Variants in CHAF1A observed in about 807,000 individuals in gnomAD.
The protein encoded by CHAF1A is chromatin assembly factor 1 subunit A, also known as CAF-1 subunit A.
CHAF1A carries 5 observed loss-of-function variants against 93.2 expected under a neutral mutation model. That is an observed-to-expected ratio of 0.05 (90% CI 0.03 to 0.11). The LOEUF (loss-of-function observed/expected upper bound fraction) is 0.11, where lower values mean the gene tolerates loss of function less well. Among genes scored for constraint, CHAF1A ranks in the 10% least tolerant of loss-of-function variants. CHAF1A has a pLI of 1.00. For synonymous variants in CHAF1A, 504 were observed against 510.3 expected (o/e 0.99, Z 0.17); for missense variants, 1,102 against 1,259.9 (o/e 0.87, Z 1.90).
Position 4,423,398 on chromosome 19 carries a change from A to G in CHAF1A, c.1308+3A>G, listed in dbSNP as rs1204159309. The G allele has an allele frequency of 6.2e-7, 1 of 1,614,074 alleles. No homozygotes were observed. On this transcript the variant is annotated splice_donor_region_variant and intron_variant, in intron 6 of 14. Coordinates refer to ENST00000301280, the MANE Select transcript of CHAF1A (RefSeq NM_005483.3). The stretch of plus-strand genomic sequence containing the variant: ...AACGGTTAAGAGAAGAAGAGAAGGT[A>G]GAGTGTTTCCCACAGAGCTTCCCCG...
intron 2 of CHAF1A, 60 bp downstream of exon 2, chr19:4,406,022 G>C (rs891066419): frequency 3.0e-6 from 4 of 1,352,992 alleles, no homozygotes; most frequent in Non-Finnish European, 4.2e-6. Flanking sequence ...CTTGTCTCTT[G>C]TTGGAGACCT....
chr19:4,441,759 G>A (rs1272190232), intron 13 of CHAF1A, among the ~76,000 whole-genome samples: 3 of 152,002 alleles, frequency 2.0e-5, no homozygotes, highest in East Asian at 1.9e-4. Context: ...CAAACTGGGC[G>A]TGGTGTCAGG....
chr19:4,442,329 C>G lies in CHAF1A; in HGVS notation c.2758C>G (p.Pro920Ala), dbSNP rs1430043281. Reference protein sequence around the residue: ...EEGDCMIVDVPDAAEVQAPCG... With the variant: ...EEGDCMIVDVADAAEVQAPCG... ...GGGCGACTGTATGATCGTGGATGTC[C>G]CGGATGCTGCGGGTGAGAAGGGCTG... Residue 920 changes from proline (P) to alanine (A), a missense_variant, in exon 14 of 15, where the codon CCG becomes GCG. Pro to Ala is a conservative substitution (Grantham distance 27). Coordinates refer to ENST00000301280, the MANE Select transcript of CHAF1A (RefSeq NM_005483.3). 1 of 1,599,924 alleles carries G rather than the reference C, an allele frequency of 6.3e-7. No homozygotes were observed. Among genetic ancestry groups the G allele is most frequent in the Admixed American group, 1.7e-5 (1 of 57,172 alleles).
At position 4,423,851 on chromosome 19, in the gene CHAF1A, C is replaced by G. The variant is rs771296337; in HGVS notation, c.1354C>G (p.Pro452Ala). 1.9e-6 allele frequency: 3 copies of G among 1,613,972 alleles called. No individual in the cohort carries two copies. The change falls in exon 7 of 15, where the codon CCA (proline) becomes GCA (alanine). Residue 452 changes from proline (P) to alanine (A), a missense_variant. Physicochemically the swap from Pro to Ala is conservative, Grantham distance 27. Coordinates refer to ENST00000301280, the MANE Select transcript of CHAF1A (RefSeq NM_005483.3). ...KAEITRFFQK[P>A]KTPQAPKTLA... ...CGAAATCACGAGGTTCTTCCAGAAA[C>G]CAAAGACTCCACAGGCCCCCAAGGT...
chr19:4,418,089 C>A lies in CHAF1A; in HGVS notation c.1017+13C>A. On this transcript the variant is annotated intron_variant, in intron 4 of 14. Coordinates refer to ENST00000301280, the MANE Select transcript of CHAF1A (RefSeq NM_005483.3). ...CAGACTGCAAAGAGTAAGACATTTT[C>A]CCTGAAATAGAAAATTAACCTGCTG... 1 of 1,579,030 alleles carries A rather than the reference C, an allele frequency of 6.3e-7. No homozygotes were observed. The highest frequency in any genetic ancestry group is 8.6e-7 in the Non-Finnish European group (1 of 1,158,616).
Position 4,442,236 on chromosome 19 carries a change from T to A in CHAF1A, c.2674-9T>A, listed in dbSNP as rs982216471. On this transcript the variant is annotated splice_polypyrimidine_tract_variant and intron_variant, in intron 13 of 14. Transcript: ENST00000301280. The stretch of plus-strand genomic sequence containing the variant: ...GCAGTGCTGATGGCCGTGTACCCTG[T>A]CTGTCCAGATTGGTGCTGAAGACAT... 1 of 1,613,520 alleles carries A rather than the reference T, an allele frequency of 6.2e-7. No homozygotes were observed. The highest frequency in any genetic ancestry group is 1.3e-5 in the African/African-American group (1 of 74,932).
intron 3 of CHAF1A, among the ~76,000 whole-genome samples, chr19:4,415,998 C>G (rs1023962050): frequency 4.6e-5 from 7 of 152,008 alleles, no homozygotes; most frequent in Non-Finnish European, 1.0e-4. Context: ...ATGGTGAAAC[C>G]CCATCTCTAC....
intron 4 of CHAF1A, among the ~76,000 whole-genome samples, chr19:4,420,283 C>T (rs1973968395): frequency 6.6e-6 from 1 of 151,854 alleles, no homozygotes; most frequent in Non-Finnish European, 1.5e-5. Flanking sequence ...CGCTCTGTTG[C>T]CCATGCTGGA....
At chr19:4,406,865 C>T (rs1458547544) in intron 2 of CHAF1A, among the ~76,000 whole-genome samples, 2 of 151,884 alleles carry the variant, frequency 1.3e-5, no homozygotes, top group African/African-American at 4.8e-5. Context: ...TTCAAGGCTG[C>T]GGTGAATTAT....
downstream of CHAF1A, chr19:4,445,325 G>T (rs1159267166): frequency 1.8e-6 from 2 of 1,127,706 alleles, no homozygotes; most frequent in East Asian, 2.4e-5. Flanking sequence ...CCCAAGGGAT[G>T]GGGGCTCTGC....
chr19:4,446,397 G>C, downstream of CHAF1A: 2 of 1,578,536 alleles, frequency 1.3e-6, no homozygotes, highest in Non-Finnish European at 1.7e-6. Flanking sequence ...ACGCTCAGCC[G>C]CTCCACCGCC....
chr19:4,446,686 G>A (rs200629893), downstream of CHAF1A: 3 of 1,611,248 alleles, frequency 1.9e-6, no homozygotes, highest in African/African-American at 2.7e-5. Flanking sequence ...GGCCAAGGTG[G>A]TCTCGCTCAG....
Position 4,442,937 on chromosome 19 carries a change from CGT to C in CHAF1A, c.2787_2788del (p.Cys929TrpfsTer48). 1.3e-6 allele frequency: 2 copies of C among 1,596,558 alleles called. No homozygotes were observed. The highest frequency in any genetic ancestry group is 1.1e-5 in the South Asian group (1 of 87,224). Reference sequence around the variant, plus strand: ...TCTTGCCCTGCAGAGGTCCAAGCCCCGTGTGGAGCCGCTTCCGGAGCTGGGGG... The same window carrying C: ...TCTTGCCCTGCAGAGGTCCAAGCCCCGTGGAGCCGCTTCCGGAGCTGGGGG... On this transcript the variant is annotated frameshift_variant, in exon 15 of 15. Transcript: ENST00000301280. LOFTEE classifies it low-confidence loss of function (END_TRUNC).
downstream of CHAF1A, chr19:4,446,356 C>T: frequency 1.3e-6 from 2 of 1,572,300 alleles, no homozygotes; most frequent in Non-Finnish European, 1.7e-6. Flanking sequence ...CCCGCTGCTC[C>T]TCCTTCTCCC....
At chr19:4,443,870 G>T (rs534644016), downstream of CHAF1A, among the ~76,000 whole-genome samples, 6 of 152,176 alleles carry the variant, frequency 3.9e-5, no homozygotes, top group East Asian at 1.2e-3. Flanking sequence ...CAGAGCACAC[G>T]CAGCCACGGG....
Position 4,442,324 on chromosome 19 carries a change from A to C in CHAF1A, c.2753A>C (p.Asp918Ala), listed in dbSNP as rs776337115. Residue 918 changes from aspartate (D) to alanine (A), a missense_variant, in exon 14 of 15, where the codon GAT (aspartate) becomes GCT (alanine). Around this residue, in one of 6 missense-constraint regions of CHAF1A, gnomAD observed 119 missense variants for 102.2 expected, o/e 1.16. Coordinates refer to ENST00000301280, the MANE Select transcript of CHAF1A (RefSeq NM_005483.3). ...GAGGAGGGCGACTGTATGATCGTGG[A>C]TGTCCCGGATGCTGCGGGTGAGAAG... The part of the protein sequence containing the change: ...EEEEGDCMIV[D>A]VPDAAEVQAP... 1 of 1,603,030 alleles carries C rather than the reference A, an allele frequency of 6.2e-7. No homozygotes were observed. The highest frequency in any genetic ancestry group is 2.2e-5 in the East Asian group (1 of 44,684).
chr19:4,446,978 ACC>A, downstream of CHAF1A: 1 of 1,545,020 alleles, frequency 6.5e-7, no homozygotes, highest in Non-Finnish European at 8.9e-7. Flanking sequence ...GCCTGGCCAC[ACC>A]CCACCCAGTC....
At chr19:4,428,143 C>T (rs1974118024) in intron 7 of CHAF1A, among the ~76,000 whole-genome samples, 1 of 150,610 alleles carries the variant, frequency 6.6e-6, no homozygotes, top group Non-Finnish European at 1.5e-5. Flanking sequence ...CAGGCATGAG[C>T]CACTGCCCCT....
At chr19:4,417,760 C>T (rs1270846045) in intron 3 of CHAF1A, among the ~76,000 whole-genome samples, 1 of 152,204 alleles carries the variant, frequency 6.6e-6, no homozygotes, top group Non-Finnish European at 1.5e-5. Flanking sequence ...CGCGCCCAGC[C>T]TTGTCTGTTG....
Sources: gnomAD v4.1 joint callset for allele counts (sites outside exome capture counted in the v4.1 genomes callset) on GRCh38, gnomAD v4.1.1 for gene constraint, gnomAD v4.1.1 regional missense constraint, MANE v1.5 for transcripts, NCBI Gene and HGNC (gene_info 2026-07-23, HGNC 2026-07-21) for gene names.